Variants in SEC14L6 observed in about 807,000 individuals in gnomAD.
SEC14L6 encodes the protein SEC14 like lipid binding 6.
A neutral mutation model predicts 54.1 loss-of-function variants in SEC14L6; 40 were observed. That is an observed-to-expected ratio of 0.74 (90% CI 0.57 to 0.96). The LOEUF is 0.96. SEC14L6 is among the 40% of genes least tolerant of loss of function. The probability of loss-of-function intolerance (pLI) is 0.00; values close to 1 mark genes in which losing one functional copy is unlikely to be tolerated. For synonymous variants in SEC14L6, 171 were observed against 198.4 expected (o/e 0.86, Z 1.16); for missense variants, 471 against 498.3 (o/e 0.95, Z 0.52).
Position 30,532,963 on chromosome 22 carries a change from C to T in SEC14L6, c.175-107G>A, listed in dbSNP as rs558487946. On this transcript the variant is annotated intron_variant, in intron 3 of 11. Transcript: ENST00000402034. ...CCCTCTGCCTGCAACCACTAAGGGC[C>T]TGCCAGAGCATCCCCAGGCTCCACT... 9.0e-5 allele frequency: 138 copies of T among 1,525,138 alleles called. No homozygotes were observed. The African/African-American group carries it at 1.7e-3, about 19-fold the overall frequency. 94.5% of individuals were successfully genotyped at this position (1,525,138 alleles called of 1,614,324 possible). A position where few individuals can be genotyped will look rare whatever the true frequency, so the allele number is the denominator to read the frequency against.
intron 1 of SEC14L6, chr22:30,542,845 A>G (rs1265392054): frequency 5.0e-6 from 8 of 1,596,530 alleles, no homozygotes; most frequent in African/African-American, 1.3e-5. Context: ...CCGGGTAACA[A>G]CTGTTTCAGA....
At chr22:30,535,593 A>G (rs1601892069) in intron 2 of SEC14L6, among the ~76,000 whole-genome samples, 1 of 152,320 alleles carries the variant, frequency 6.6e-6, no homozygotes, top group Non-Finnish European at 1.5e-5. Context: ...CTGTCTTTGG[A>G]ACTCCAATCG....
chr22:30,543,636 G>A, intron 1 of SEC14L6: 1 of 1,613,250 alleles, frequency 6.2e-7, no homozygotes, highest in Non-Finnish European at 8.5e-7. Flanking sequence ...TGAAGGAGCA[G>A]AGCTCAAATA....
At chr22:30,534,630 C>T (rs922748055) in intron 2 of SEC14L6, among the ~76,000 whole-genome samples, 31 of 151,774 alleles carry the variant, frequency 2.0e-4, no homozygotes, top group Non-Finnish European at 4.0e-4. Context: ...AGGCTGGTCT[C>T]GAACTCCTTA....
chr22:30,536,374 G>A (rs1180568345), intron 2 of SEC14L6, among the ~76,000 whole-genome samples: 2 of 151,980 alleles, frequency 1.3e-5, no homozygotes, highest in Non-Finnish European at 1.5e-5. Context: ...CAGCCCTACC[G>A]CCCACCCCCT....
chr22:30,534,731 A>G (rs1314925854), intron 2 of SEC14L6, among the ~76,000 whole-genome samples: 2 of 152,200 alleles, frequency 1.3e-5, no homozygotes, highest in East Asian at 1.9e-4. Flanking sequence ...CTTTAAAAAA[A>G]TCACCAAACT....
rs1270995595 is a variant in SEC14L6, at chr22:30,529,315, A to G, written c.554T>C (p.Ile185Thr). ...FSALEANYPE[I>T]LKSLIVVRAP... ...TCTCACAACAATTAAACTCTTCAAG[A>G]TCTCAGGGTAATTTGCTTCAAGTGC... Residue 185 changes from isoleucine to threonine, a missense_variant, in exon 7 of 12, where the codon ATC becomes ACC. Ile to Thr is a moderately conservative substitution (Grantham distance 89). Coordinates refer to ENST00000402034, the MANE Select transcript of SEC14L6 (RefSeq NM_001193336.4). 6.4e-7 allele frequency: 1 copy of G among 1,550,486 alleles called. No homozygotes were observed. The highest frequency in any genetic ancestry group is 8.7e-7 in the Non-Finnish European group (1 of 1,146,944).
At chr22:30,543,753 AATC>A in intron 1 of SEC14L6, 1 of 1,572,982 alleles carries the variant, frequency 6.4e-7, no homozygotes, top group Non-Finnish European at 8.8e-7. Context: ...ACCTCGTCCG[AATC>A]AGACAGAAGA....
At chr22:30,530,580 G>A (rs574261129) in intron 6 of SEC14L6, among the ~76,000 whole-genome samples, 1 of 152,126 alleles carries the variant, frequency 6.6e-6, no homozygotes, top group Non-Finnish European at 1.5e-5. Context: ...CTCTTATTTT[G>A]TAGAGATAGG....
chr22:30,542,738 C>T, intron 1 of SEC14L6: 1 of 1,577,208 alleles, frequency 6.3e-7, no homozygotes, highest in South Asian at 1.1e-5. Flanking sequence ...CTGCAGTGCA[C>T]TGTGACCTCC....
At chr22:30,538,547 G>A (rs547608090) in intron 2 of SEC14L6, among the ~76,000 whole-genome samples, 2 of 152,200 alleles carry the variant, frequency 1.3e-5, no homozygotes, top group South Asian at 2.1e-4. Context: ...TGCCAACTAT[G>A]TTTGACACCT....
intron 5 of SEC14L6, 57 bp downstream of exon 5, chr22:30,532,468 C>G (rs940692140): frequency 1.4e-6 from 2 of 1,478,820 alleles, no homozygotes; most frequent in African/African-American, 1.4e-5. Context: ...GGGTGTGAGG[C>G]TCAGGGGGTG....
chr22:30,543,684 C>A, intron 1 of SEC14L6: 1 of 1,611,594 alleles, frequency 6.2e-7, no homozygotes, highest in Non-Finnish European at 8.5e-7. Context: ...AACAGAACAT[C>A]TATATTGTGG....
chr22:30,534,540 T>C (rs576934218), intron 2 of SEC14L6, among the ~76,000 whole-genome samples: 13 of 151,560 alleles, frequency 8.6e-5, no homozygotes, highest in Admixed American at 6.6e-5. Context: ...GTCTCCTGAG[T>C]AGCTGAGATT....
intron 1 of SEC14L6, among the ~76,000 whole-genome samples, chr22:30,542,298 AC>A (rs552264349): frequency 1.9e-4 from 28 of 150,532 alleles, no homozygotes; most frequent in African/African-American, 5.9e-4. Flanking sequence ...AAAGGCAGAC[AC>A]CCCCCCACCC....
At position 30,523,538 on chromosome 22, in the gene SEC14L6, C is replaced by G. The variant is rs1220832150; in HGVS notation, c.*1459G>C. ...ACACCCAACTAATTTGTGTATGTTT[C>G]GTAGAGACGGGGTTTCGCCATGTTG... is the stretch of plus-strand genomic sequence containing the variant. On this transcript the variant is annotated 3_prime_UTR_variant, in exon 12 of 12. Coordinates refer to ENST00000402034, the MANE Select transcript of SEC14L6 (RefSeq NM_001193336.4). 1 of 152,074 alleles carries G rather than the reference C, an allele frequency of 6.6e-6. No homozygotes were observed. Among genetic ancestry groups the G allele is most frequent in the Non-Finnish European group, 1.5e-5 (1 of 68,048 alleles). 9.4% of individuals were successfully genotyped at this position (152,074 alleles called of 1,614,324 possible). A position where few individuals can be genotyped will look rare whatever the true frequency, so the allele number is the denominator to read the frequency against.
intron 6 of SEC14L6, among the ~76,000 whole-genome samples, chr22:30,530,152 G>A (rs1052095629): frequency 1.3e-5 from 2 of 152,088 alleles, no homozygotes; most frequent in Admixed American, 6.5e-5. Flanking sequence ...GCTCACGCCT[G>A]TAATCCCAAA....
In SEC14L6 at chr22:30,531,074, C is replaced by T. The variant is rs150556696; in HGVS notation, c.519+829G>A. 1.9e-3 allele frequency among the ~76,000 whole-genome samples: 291 copies of T among 152,208 alleles called. 2 individuals are homozygous for T. Among genetic ancestry groups the T allele is most frequent in the African/African-American group, 6.7e-3 (277 of 41,508 alleles). On this transcript the variant is annotated intron_variant, in intron 6 of 11. Coordinates refer to ENST00000402034, the MANE Select transcript of SEC14L6 (RefSeq NM_001193336.4). ...TGCCACGCCCAACTTAGCACAGCCCCGAGAAGCTGTGGGTATGAAAATATC... is the reference window on the plus strand; with the variant it reads ...TGCCACGCCCAACTTAGCACAGCCCTGAGAAGCTGTGGGTATGAAAATATC...
At position 30,525,750 on chromosome 22, in the gene SEC14L6, T is replaced by C; in HGVS notation, c.772A>G (p.Ile258Val). Residue 258 changes from isoleucine to valine, a missense_variant and splice_region_variant, in exon 10 of 12, where the codon ATC (isoleucine) becomes GTC (valine). Transcript: ENST00000402034. ...TTGGGCACCTCACCCCCGTAGTTGA[T>C]CTGTGGGTGAAGGGGGTGTGTGGGC... is the stretch of plus-strand genomic sequence containing the variant. ...PDGNPKCLTK[I>V]NYGGEVPKSY... The C allele has an allele frequency of 1.2e-6, 2 of 1,613,934 alleles. No homozygotes were observed. The highest frequency in any genetic ancestry group is 2.2e-5 in the South Asian group (2 of 91,064).
Sources: allele counts gnomAD v4.1 joint callset (sites outside exome capture counted in the v4.1 genomes callset), GRCh38; gene constraint gnomAD v4.1.1; transcripts MANE v1.5; gene names NCBI Gene and HGNC (gene_info 2026-07-23, HGNC 2026-07-21).